Variants in POF1B observed in about 807,000 individuals in gnomAD.
POF1B encodes the protein protein POF1B.
Under a neutral mutation model 55.3 loss-of-function variants are expected in POF1B, and 53 were observed. That is an observed-to-expected ratio of 0.96 (90% CI 0.77 to 1.20). The LOEUF (loss-of-function observed/expected upper bound fraction) is 1.20, where lower values mean the gene tolerates loss of function less well. POF1B is among the 50% of genes most tolerant of loss of function. The pLI, the probability that POF1B is intolerant of heterozygous loss-of-function variation, is 0.00. For synonymous variants in POF1B, 188 were observed against 148.3 expected (o/e 1.27, Z -1.95); for missense variants, 478 against 420.5 (o/e 1.14, Z -1.20).
chrX:85,331,549 A>G (rs1932979507), intron 6 of POF1B, among the ~76,000 whole-genome samples: 1 of 111,595 alleles, frequency 9.0e-6, no homozygotes, highest in African/African-American at 3.2e-5. Context: ...ATAATAGCAT[A>G]TCCATCACCT....
Position 85,304,370 on chromosome X carries a change from C to T in POF1B, c.1539G>A (p.Lys513=), listed in dbSNP as rs1446693527. Residue 513 remains lysine, a synonymous_variant, in exon 14 of 17, where the codon AAG becomes AAA. Coordinates refer to ENST00000262753, the MANE Select transcript of POF1B (RefSeq NM_024921.4). ...CTGACTGACGCTTTATGAGGGAATCCTTCTCTTCCAGCAAGCTTGTCAGTT... is the reference window on the plus strand; with the variant it reads ...CTGACTGACGCTTTATGAGGGAATCTTTCTCTTCCAGCAAGCTTGTCAGTT... ...LHELTSLLEE[K]DSLIKRQSEE... The T allele has an allele frequency of 1.7e-6, 2 of 1,190,075 alleles. No homozygotes were observed. The highest frequency in any genetic ancestry group is 3.5e-5 in the African/African-American group (2 of 56,346).
chrX:85,334,053 G>A (rs1603053443), intron 6 of POF1B, among the ~76,000 whole-genome samples: 1 of 111,031 alleles, frequency 9.0e-6, no homozygotes, highest in South Asian at 3.8e-4. Flanking sequence ...ACTGTGTTGT[G>A]CTAGTTAGCA....
intron 4 of POF1B, among the ~76,000 whole-genome samples, chrX:85,354,613 A>G (rs754638417): frequency 9.0e-6 from 1 of 111,279 alleles, no homozygotes; most frequent in East Asian, 2.9e-4. Context: ...GCAAAGTCTC[A>G]GGATACAAAA....
At chrX:85,290,316 A>G (rs1212261925) in intron 15 of POF1B, among the ~76,000 whole-genome samples, 1 of 111,464 alleles carries the variant, frequency 9.0e-6, no homozygotes, top group Non-Finnish European at 1.9e-5. Flanking sequence ...ACAGTATTAC[A>G]TGGTGTATAT....
In POF1B at chrX:85,278,448, G is replaced by A. The variant is rs1470886614; in HGVS notation, c.*973C>T. On this transcript the variant is annotated 3_prime_UTR_variant, in exon 17 of 17. Coordinates refer to ENST00000262753, the MANE Select transcript of POF1B (RefSeq NM_024921.4). ...TGCATTGAAAAAATACTTGTGTTCAGTTATGTTCACTTTGTAAGGTCATTA... is the reference window on the plus strand; with the variant it reads ...TGCATTGAAAAAATACTTGTGTTCAATTATGTTCACTTTGTAAGGTCATTA... The A allele has an allele frequency of 9.0e-6, 1 of 111,016 alleles. No individual in the cohort carries two copies. The highest frequency in any genetic ancestry group is 1.9e-5 in the Non-Finnish European group (1 of 52,471). The allele number at this position is 111,016 out of a possible 1,213,427, so 9.1% of individuals were successfully genotyped here. A position where few individuals can be genotyped will look rare whatever the true frequency, so the allele number is the denominator to read the frequency against.
At chrX:85,322,220 A>T (rs1330661780) in intron 7 of POF1B, among the ~76,000 whole-genome samples, 5 of 111,557 alleles carry the variant, frequency 4.5e-5, no homozygotes. Flanking sequence ...TAACCAAAAC[A>T]GCATGGTACC....
rs150699887 is a variant in POF1B, at chrX:85,367,854, G to A, written c.283-88C>T. ...TTTTCTTTATTTTTATAATAATGTG[G>A]TTAGTCAGAAATAAGAGCATTATTT... On this transcript the variant is annotated intron_variant, in intron 2 of 16. Coordinates refer to ENST00000262753, the MANE Select transcript of POF1B (RefSeq NM_024921.4). The A allele has an allele frequency of 7.5e-3, 4,313 of 572,085 alleles. 21 individuals carry two copies. The highest frequency in any genetic ancestry group is 0.014 in the Middle Eastern group (27 of 1,973). The allele number at this position is 572,085 out of a possible 1,213,427, so 47.1% of individuals were successfully genotyped here.
At chrX:85,361,542 G>A (rs931261851) in intron 3 of POF1B, among the ~76,000 whole-genome samples, 2 of 110,873 alleles carry the variant, frequency 1.8e-5, no homozygotes, top group East Asian at 2.9e-4. Flanking sequence ...TTTTTTCTGC[G>A]CTCTCTATTC....
Position 85,307,283 on chromosome X carries a change from G to A in POF1B, c.1051-7C>T. ...TCTTGTCATTTTCCAGTGACTAGAA[G>A]CATAAATTATTTATTATGATTCAGA... is the stretch of plus-strand genomic sequence containing the variant. On this transcript the variant is annotated splice_polypyrimidine_tract_variant and splice_region_variant and intron_variant, in intron 10 of 16. Transcript: ENST00000262753. The A allele has an allele frequency of 8.9e-7, 1 of 1,120,276 alleles. No homozygotes were observed. Among genetic ancestry groups the A allele is most frequent in the Non-Finnish European group, 1.2e-6 (1 of 826,871 alleles). 92.3% of individuals were successfully genotyped at this position (1,120,276 alleles called of 1,213,427 possible). A position where few individuals can be genotyped will look rare whatever the true frequency, so the allele number is the denominator to read the frequency against.
chrX:85,324,410 G>A (rs1932874432), intron 7 of POF1B, among the ~76,000 whole-genome samples: 2 of 111,171 alleles, frequency 1.8e-5, no homozygotes, highest in Non-Finnish European at 3.8e-5. Context: ...TGTGTTGGGT[G>A]CATATGTATG....
intron 6 of POF1B, among the ~76,000 whole-genome samples, chrX:85,333,519 A>G (rs993106259): frequency 9.0e-6 from 1 of 111,398 alleles, no homozygotes; most frequent in Non-Finnish European, 1.9e-5. Flanking sequence ...CTACCTGATT[A>G]GAAATGCCCC....
At position 85,364,296 on chromosome X, in the gene POF1B, T is replaced by C. The variant is rs182185644; in HGVS notation, c.357+3396A>G. On this transcript the variant is annotated intron_variant, in intron 3 of 16. Transcript: ENST00000262753. ...TGCATTTGATTCTGTTATTATTTTG[T>C]TGACTGGTTATTATGCCGGCTTGTT... Among the ~76,000 whole-genome samples the C allele has an allele frequency of 2.7e-5, 3 of 111,654 alleles. No individual in the cohort carries two copies. In the East Asian group the frequency reaches 8.5e-4, roughly 32 times the overall value.
At chrX:85,364,902 GC>G (rs1288025870) in intron 3 of POF1B, among the ~76,000 whole-genome samples, 1 of 111,803 alleles carries the variant, frequency 8.9e-6, no homozygotes, top group Admixed American at 9.5e-5. Context: ...CATAGATTTA[GC>G]TTGTTTACAT....
chrX:85,378,052 T>C (rs1490054852), intron 2 of POF1B, among the ~76,000 whole-genome samples: 3 of 111,871 alleles, frequency 2.7e-5, no homozygotes, highest in African/African-American at 9.7e-5. Flanking sequence ...AATATGAATA[T>C]TGGAGTGCAC....
At chrX:85,354,747 C>A (rs1024205594) in intron 4 of POF1B, among the ~76,000 whole-genome samples, 2 of 110,921 alleles carry the variant, frequency 1.8e-5, no homozygotes, top group African/African-American at 6.6e-5. Flanking sequence ...ATCCAACTTA[C>A]AAGGGACGTG....
In POF1B at chrX:85,277,731, A is replaced by G. The variant is rs1374728938; in HGVS notation, c.*1690T>C. 2 of 110,500 alleles carry G rather than the reference A, an allele frequency of 1.8e-5. No individual in the cohort carries two copies. The highest frequency in any genetic ancestry group is 3.3e-5 in the African/African-American group (1 of 30,517). 9.1% of individuals were successfully genotyped at this position (110,500 alleles called of 1,213,427 possible). A position where few individuals can be genotyped will look rare whatever the true frequency, so the allele number is the denominator to read the frequency against. On this transcript the variant is annotated 3_prime_UTR_variant, in exon 17 of 17. Transcript: ENST00000262753. ...AATATAGTGACCTCTAGTTCCATCCATGACTCCTTAACTGCCCCTGAATTT... is the reference window on the plus strand; with the variant it reads ...AATATAGTGACCTCTAGTTCCATCCGTGACTCCTTAACTGCCCCTGAATTT...
chrX:85,339,454 A>C (rs1933132991), intron 6 of POF1B, among the ~76,000 whole-genome samples: 2 of 111,355 alleles, frequency 1.8e-5, no homozygotes, highest in South Asian at 3.7e-4. Context: ...CCTGAGAAGA[A>C]GTCATAGAAG....
chrX:85,377,038 C>A (rs1173517066), intron 2 of POF1B, among the ~76,000 whole-genome samples: 2 of 111,966 alleles, frequency 1.8e-5, no homozygotes, highest in Non-Finnish European at 3.8e-5. Context: ...CTGCCATGGT[C>A]ACAAACTCTG....
chrX:85,303,593 C>T (rs1932508030), intron 14 of POF1B, 105 bp from the exon 15 acceptor site: 2 of 505,326 alleles, frequency 4.0e-6, no homozygotes, highest in Non-Finnish European at 3.2e-6. Context: ...TATACCCCCT[C>T]CCTTTTACCC....
Sources: allele counts gnomAD v4.1 joint callset (sites outside exome capture counted in the v4.1 genomes callset), GRCh38; gene constraint gnomAD v4.1.1; transcripts MANE v1.5; gene names NCBI Gene and HGNC (gene_info 2026-07-23, HGNC 2026-07-21).